Variants in RABGEF1 observed in about 807,000 individuals in gnomAD.
The protein encoded by RABGEF1 is rab5 GDP/GTP exchange factor.
Under a neutral mutation model 57.3 loss-of-function variants are expected in RABGEF1, and 26 were observed. The observed-to-expected ratio is 0.45, with a 90% CI of 0.33 to 0.63. The LOEUF is 0.63. Ranked by LOEUF, RABGEF1 falls within the 20% of genes least tolerant of loss-of-function variation. The pLI is 0.02. For missense variants in RABGEF1, 464 were observed against 607.6 expected (o/e 0.76, Z 2.48); for synonymous variants, 185 against 210.7 (o/e 0.88, Z 1.06).
At chr7:66,727,969 AT>A (rs1796780130) in intron 2 of RABGEF1, among the ~76,000 whole-genome samples, 1 of 151,866 alleles carries the variant, frequency 6.6e-6, no homozygotes, top group Admixed American at 6.6e-5. Flanking sequence ...CACCAACCTC[AT>A]CCTCCCCTCT....
intron 7 of RABGEF1, among the ~76,000 whole-genome samples, chr7:66,803,049 G>A (rs1184972442): frequency 6.6e-6 from 1 of 152,084 alleles, no homozygotes; most frequent in African/African-American, 2.4e-5. Flanking sequence ...TTCTTATTTA[G>A]AATAAGTTCC....
intron 2 of RABGEF1, among the ~76,000 whole-genome samples, chr7:66,722,178 A>T (rs1796124655): frequency 6.6e-6 from 1 of 152,154 alleles, no homozygotes; most frequent in Non-Finnish European, 1.5e-5. Flanking sequence ...ACGGTGGCTC[A>T]CGCCTGTAAT....
chr7:66,682,300 G>T (rs1789866390), intron 1 of RABGEF1: 1 of 158,318 alleles, frequency 6.3e-6, no homozygotes. Flanking sequence ...GCGCGGCGGG[G>T]CATCTTGGGC....
intron 1 of RABGEF1, among the ~76,000 whole-genome samples, chr7:66,693,530 C>T (rs573292200): frequency 9.1e-4 from 139 of 152,258 alleles, no homozygotes; most frequent in Admixed American, 2.5e-3. Context: ...CTCCTCCTCC[C>T]CTCCCTCGGC....
intron 1 of RABGEF1, among the ~76,000 whole-genome samples, chr7:66,750,891 C>T (rs1801245496): frequency 6.6e-6 from 1 of 152,190 alleles, no homozygotes; most frequent in South Asian, 2.1e-4. Flanking sequence ...AAATACTCTT[C>T]TCCTGTGTTT....
At chr7:66,784,511 A>T (rs1312981954) in intron 4 of RABGEF1, among the ~76,000 whole-genome samples, 5 of 152,254 alleles carry the variant, frequency 3.3e-5, no homozygotes, top group African/African-American at 1.2e-4. Flanking sequence ...GTAAATAGGG[A>T]TTAATTCTGT....
At position 66,799,983 on chromosome 7, in the gene RABGEF1, A is replaced by G. The variant is rs535684368; in HGVS notation, c.820+569A>G. 2.0e-4 allele frequency among the ~76,000 whole-genome samples: 31 copies of G among 152,330 alleles called. 1 individual carries two copies. The South Asian group carries it at 6.2e-3, about 31-fold the overall frequency. On this transcript the variant is annotated intron_variant, in intron 7 of 8. Transcript: ENST00000284957. ...AGCCTCCTAATAAGGTTTGTTTCTC[A>G]TTCATGGGAATGAACCAGCAAGAGT...
the RABGEF1 span, among the ~76,000 whole-genome samples, chr7:66,670,479 A>G: frequency 6.8e-6 from 1 of 147,750 alleles, no homozygotes; most frequent in African/African-American, 2.5e-5. Flanking sequence ...AGAGGACACA[A>G]AGACAGCCAG....
intron 5 of RABGEF1, among the ~76,000 whole-genome samples, chr7:66,797,078 T>C (rs1490235530): frequency 6.6e-6 from 1 of 151,816 alleles, no homozygotes; most frequent in Non-Finnish European, 1.5e-5. Flanking sequence ...GGCAGGTAGA[T>C]TGCTTGAGCC....
At chr7:66,710,302 T>G (rs550166339) in intron 1 of RABGEF1, among the ~76,000 whole-genome samples, 39 of 152,374 alleles carry the variant, frequency 2.6e-4, no homozygotes, top group Middle Eastern at 3.4e-3. Context: ...ACATTTAGGT[T>G]GTTTTTTAGC....
intron 1 of RABGEF1, among the ~76,000 whole-genome samples, chr7:66,749,799 G>A (rs1801008774): frequency 1.3e-5 from 2 of 151,942 alleles, no homozygotes; most frequent in Admixed American, 6.6e-5. Flanking sequence ...GTTAAACCCC[G>A]TCTCTACTAA....
At chr7:66,763,351 A>G (rs1360111398) in intron 1 of RABGEF1, among the ~76,000 whole-genome samples, 1 of 152,184 alleles carries the variant, frequency 6.6e-6, no homozygotes, top group Non-Finnish European at 1.5e-5. Flanking sequence ...CATGTGGTGA[A>G]GGTCTGAGGT....
intron 3 of RABGEF1, 86 bp downstream of exon 3, chr7:66,775,479 T>G: frequency 6.7e-7 from 1 of 1,492,262 alleles, no homozygotes; most frequent in Non-Finnish European, 9.0e-7. Context: ...AGCTTTGTAA[T>G]TTCTGTCAAC....
chr7:66,785,919 G>A (rs1001174505), intron 4 of RABGEF1, among the ~76,000 whole-genome samples: 38 of 151,728 alleles, frequency 2.5e-4, no homozygotes, highest in Admixed American at 5.3e-4. Flanking sequence ...TCAAAACTGC[G>A]CAAAACCTTT....
chr7:66,786,904 A>C (rs565525438), intron 4 of RABGEF1, among the ~76,000 whole-genome samples: 1 of 152,260 alleles, frequency 6.6e-6, no homozygotes, highest in Non-Finnish European at 1.5e-5. Context: ...TTTTATGTTG[A>C]AAATATAGTT....
chr7:66,661,317 AT>A, the RABGEF1 span, among the ~76,000 whole-genome samples: 1 of 151,040 alleles, frequency 6.6e-6, no homozygotes, highest in Non-Finnish European at 1.5e-5. Flanking sequence ...AAAAAAAAAA[AT>A]GAGGGCGTTA....
intron 2 of RABGEF1, among the ~76,000 whole-genome samples, chr7:66,730,707 G>A (rs1258806413): frequency 3.3e-5 from 5 of 152,018 alleles, no homozygotes; most frequent in Non-Finnish European, 1.5e-5. Flanking sequence ...ACAGGCATCC[G>A]CCACCACACC....
chr7:66,691,333 A>G (rs1470863258), intron 1 of RABGEF1, among the ~76,000 whole-genome samples: 1 of 152,186 alleles, frequency 6.6e-6, no homozygotes, highest in East Asian at 1.9e-4. Flanking sequence ...AAGTATTCAA[A>G]GCAGCTTTAT....
upstream of RABGEF1, among the ~76,000 whole-genome samples, chr7:66,681,508 C>G (rs368118792): frequency 1.3e-4 from 19 of 151,800 alleles, no homozygotes; most frequent in South Asian, 3.8e-3. Context: ...AAGCGATCCT[C>G]CCACCTCAGC....
Sources: gnomAD v4.1 joint callset for allele counts (sites outside exome capture counted in the v4.1 genomes callset) on GRCh38, gnomAD v4.1.1 for gene constraint, MANE v1.5 for transcripts, NCBI Gene and HGNC (gene_info 2026-07-23, HGNC 2026-07-21) for gene names.